CCDC91: variants seen among roughly 807,000 people sequenced by gnomAD.
CCDC91 encodes the protein coiled-coil domain containing 91.
Under a neutral mutation model 63.2 loss-of-function variants are expected in CCDC91, and 48 were observed. The observed-to-expected ratio is 0.76, with a 90% CI of 0.60 to 0.97. The LOEUF is 0.97. CCDC91 is among the 50% of genes least tolerant of loss of function. The pLI, the probability that CCDC91 is intolerant of heterozygous loss-of-function variation, is 0.00. For synonymous variants in CCDC91, 167 were observed against 165.8 expected, an observed-to-expected ratio of 1.01 and a Z score of -0.06; for missense variants, 500 against 494.6, an observed-to-expected ratio of 1.01 and a Z score of -0.10.
At chr12:28,306,091 TGAAAA>T (rs958549867) in intron 4 of CCDC91, among the ~76,000 whole-genome samples, 4 of 152,096 alleles carry the variant, frequency 2.6e-5, no homozygotes, top group African/African-American at 9.7e-5. Flanking sequence ...ATCTTGAACT[TGAAAA>T]GGGAAAATAA....
Position 28,489,757 on chromosome 12 carries a change from G to C in CCDC91, c.1215+5592G>C, listed in dbSNP as rs1268634254. ...TTGTCAGAATTTTTTAAATATAAAA[G>C]GGCTCTTTTAATCCAGTTTTGCTGC... is the stretch of plus-strand genomic sequence containing the variant. On this transcript the variant is annotated intron_variant, in intron 12 of 12. Coordinates refer to ENST00000536442, the MANE Select transcript of CCDC91 (RefSeq NM_018318.5). 3.3e-5 allele frequency among the ~76,000 whole-genome samples: 5 copies of C among 151,866 alleles called. No homozygotes were observed. The East Asian group carries it at 9.7e-4, about 29-fold the overall frequency.
intron 6 of CCDC91, among the ~76,000 whole-genome samples, chr12:28,310,468 A>G (rs1268016390): frequency 6.6e-6 from 1 of 152,080 alleles, no homozygotes; most frequent in East Asian, 1.9e-4. Context: ...AGGAATCAGT[A>G]CTTTCAAAGA....
intron 7 of CCDC91, among the ~76,000 whole-genome samples, chr12:28,377,634 AT>A (rs578010631): frequency 2.0e-4 from 31 of 151,824 alleles, no homozygotes; most frequent in African/African-American, 6.5e-4. Flanking sequence ...TTATTTTTTA[AT>A]TTTTTTATAT....
intron 12 of CCDC91, among the ~76,000 whole-genome samples, chr12:28,524,168 G>T (rs1941036445): frequency 6.6e-6 from 1 of 152,116 alleles, no homozygotes; most frequent in Admixed American, 6.6e-5. Flanking sequence ...TGTTGAAGAG[G>T]AGTAGTGAGA....
In CCDC91 at chr12:28,417,535, C is replaced by G. The variant is rs7295655; in HGVS notation, c.762+26124C>G. Among the ~76,000 whole-genome samples the G allele has an allele frequency of 3.5e-3, 530 of 151,182 alleles. 7 individuals are homozygous for G. Among genetic ancestry groups the G allele is most frequent in the African/African-American group, 0.012 (498 of 41,174 alleles). On this transcript the variant is annotated intron_variant, in intron 8 of 12. Transcript: ENST00000536442. ...TTTTGTTTTAGTATTTTTCTTTTGT[C>G]TTTTTATTTTTCCCCAGCTTTATTG...
chr12:28,384,348 C>T (rs575309506), intron 7 of CCDC91, among the ~76,000 whole-genome samples: 15 of 152,156 alleles, frequency 9.9e-5, no homozygotes, highest in Non-Finnish European at 1.9e-4. Flanking sequence ...TTAGGATTAA[C>T]TCTTTCACTA....
At chr12:28,369,125 T>TA (rs1944452359) in intron 7 of CCDC91, among the ~76,000 whole-genome samples, 1 of 152,270 alleles carries the variant, frequency 6.6e-6, no homozygotes, top group South Asian at 2.1e-4. Flanking sequence ...CTTACCTCAT[T>TA]GCAGTATTAA....
chr12:28,525,921 A>G (rs552534345), intron 12 of CCDC91, among the ~76,000 whole-genome samples: 2 of 152,040 alleles, frequency 1.3e-5, no homozygotes, highest in South Asian at 4.2e-4. Flanking sequence ...ACTCCTGCTC[A>G]CTTTCGGTGT....
At chr12:28,510,478 C>G (rs912863807) in intron 12 of CCDC91, among the ~76,000 whole-genome samples, 2 of 151,806 alleles carry the variant, frequency 1.3e-5, no homozygotes, top group Non-Finnish European at 2.9e-5. Context: ...CAGAAAAGAT[C>G]AGTGTCAGAC....
At chr12:28,380,181 G>C (rs1185404457) in intron 7 of CCDC91, among the ~76,000 whole-genome samples, 6 of 152,050 alleles carry the variant, frequency 3.9e-5, no homozygotes, top group African/African-American at 1.4e-4. Context: ...TTGGGGGTTG[G>C]GGGGCTGGGG....
intron 3 of CCDC91, among the ~76,000 whole-genome samples, chr12:28,288,051 A>G (rs1949013340): frequency 6.6e-6 from 1 of 152,208 alleles, no homozygotes; most frequent in African/African-American, 2.4e-5. Context: ...GTATATTGAT[A>G]TTTTGTATCC....
chr12:28,522,326 T>TCCC (rs1212594611), intron 12 of CCDC91, among the ~76,000 whole-genome samples: 1 of 152,196 alleles, frequency 6.6e-6, no homozygotes, highest in Admixed American at 6.6e-5. Flanking sequence ...GAGGAATTTA[T>TCCC]CCTTTTCTTC....
chr12:28,518,038 G>A (rs1393651409), intron 12 of CCDC91, among the ~76,000 whole-genome samples: 1 of 151,940 alleles, frequency 6.6e-6, no homozygotes, highest in East Asian at 1.9e-4. Context: ...CTCATTGATT[G>A]ATGGGTTCCT....
intron 6 of CCDC91, among the ~76,000 whole-genome samples, chr12:28,312,407 C>G (rs988923782): frequency 2.0e-5 from 3 of 151,962 alleles, no homozygotes; most frequent in Non-Finnish European, 4.4e-5. Flanking sequence ...TTACATTGTA[C>G]TGTAAATACC....
intron 8 of CCDC91, among the ~76,000 whole-genome samples, chr12:28,427,386 G>A (rs191356034): frequency 6.6e-4 from 101 of 152,056 alleles, no homozygotes; most frequent in African/African-American, 2.3e-3. Flanking sequence ...TCTTCCCTTC[G>A]CCAGAACCAT....
intron 6 of CCDC91, among the ~76,000 whole-genome samples, chr12:28,342,060 C>A (rs1448842093): frequency 1.3e-5 from 2 of 152,110 alleles, no homozygotes; most frequent in Non-Finnish European, 2.9e-5. Context: ...TAGCCCCAGA[C>A]AAATTACATA....
chr12:28,364,263 G>A (rs1264932346), intron 7 of CCDC91, among the ~76,000 whole-genome samples: 3 of 151,976 alleles, frequency 2.0e-5, no homozygotes, highest in African/African-American at 7.3e-5. Flanking sequence ...GTGCACACCT[G>A]TAATCCCAGC....
At chr12:28,268,036 T>TAATTAAA (rs1342357854) in intron 3 of CCDC91, among the ~76,000 whole-genome samples, 3 of 135,538 alleles carry the variant, frequency 2.2e-5, no homozygotes, top group African/African-American at 8.4e-5. Context: ...TATTAATTAT[T>TAATTAAA]AATTAAAAAT....
intron 3 of CCDC91, among the ~76,000 whole-genome samples, chr12:28,278,653 T>G (rs1332890636): frequency 1.3e-5 from 2 of 152,096 alleles, no homozygotes; most frequent in African/African-American, 4.8e-5. Flanking sequence ...CCTTTTGAAC[T>G]CTTTACTTTT....
Sources: allele counts gnomAD v4.1 joint callset (sites outside exome capture counted in the v4.1 genomes callset), GRCh38; gene constraint gnomAD v4.1.1; transcripts MANE v1.5; gene names NCBI Gene and HGNC (gene_info 2026-07-23, HGNC 2026-07-21).